Variants in NAV3 observed in about 807,000 individuals in gnomAD.
NAV3 encodes the protein neuron navigator 3.
NAV3 carries 87 observed loss-of-function variants against 244.7 expected under a neutral mutation model. The observed-to-expected ratio is 0.36, with a 90% CI of 0.30 to 0.42. The LOEUF (loss-of-function observed/expected upper bound fraction) is 0.42. NAV3 is among the 20% of genes least tolerant of loss of function. NAV3 has a pLI of 1.00. For synonymous variants in NAV3, 1,126 were observed against 1,042.2 expected (o/e 1.08, Z -1.55); for missense variants, 2,663 against 2,893.3 (o/e 0.92, Z 1.83).
intron 1 of NAV3, among the ~76,000 whole-genome samples, chr12:77,912,826 G>A (rs757234885): frequency 3.9e-5 from 6 of 151,924 alleles, no homozygotes; most frequent in Non-Finnish European, 7.4e-5. Flanking sequence ...TGCTCAGGCT[G>A]GTCTCGAACT....
chr12:78,149,499 C>T (rs1166697639), intron 22 of NAV3, among the ~76,000 whole-genome samples: 4 of 151,936 alleles, frequency 2.6e-5, no homozygotes, highest in Non-Finnish European at 4.4e-5. Context: ...CAATGAAGAC[C>T]GTCAATTAAA....
intron 12 of NAV3, among the ~76,000 whole-genome samples, chr12:78,084,388 T>TC (rs112138654): frequency 0.016 from 2,408 of 152,202 alleles, 59 homozygotes; most frequent in African/African-American, 0.055. Context: ...AGGCACTGGA[T>TC]CCCATTCCCT....
chr12:78,092,486 A>C (rs1005559814), intron 12 of NAV3, among the ~76,000 whole-genome samples: 1 of 59,130 alleles, frequency 1.7e-5, no homozygotes, highest in African/African-American at 6.1e-5. Flanking sequence ...AGCGTTAGTT[A>C]TTTTCTTTTT....
chr12:78,037,344 A>G, intron 9 of NAV3: 1 of 702,938 alleles, frequency 1.4e-6, no homozygotes, highest in Non-Finnish European at 2.6e-6. Context: ...GATCCTTACC[A>G]TGCTGGGTGA....
intron 1 of NAV3, among the ~76,000 whole-genome samples, chr12:77,891,496 C>G (rs1018422476): frequency 6.6e-6 from 1 of 152,014 alleles, no homozygotes; most frequent in Non-Finnish European, 1.5e-5. Context: ...TCTTTTTGGA[C>G]AGGTGGCCAT....
chr12:77,648,770 G>T (rs1467909851), intron 2 of NAV3, among the ~76,000 whole-genome samples: 4 of 152,062 alleles, frequency 2.6e-5, no homozygotes, highest in African/African-American at 9.7e-5. Context: ...TAATTTCTAT[G>T]ATTTCAGCAT....
At chr12:77,944,603 A>G (rs1458289925) in intron 3 of NAV3, among the ~76,000 whole-genome samples, 1 of 152,128 alleles carries the variant, frequency 6.6e-6, no homozygotes, top group African/African-American at 2.4e-5. Context: ...TGAAGGTCAG[A>G]AAAGAGTATT....
At chr12:78,013,175 A>G (rs992598512) in intron 8 of NAV3, among the ~76,000 whole-genome samples, 1 of 152,142 alleles carries the variant, frequency 6.6e-6, no homozygotes, top group Non-Finnish European at 1.5e-5. Context: ...TTCAACAACT[A>G]CCTACTAAAT....
chr12:78,099,543 A>G (rs1053008096), intron 12 of NAV3, among the ~76,000 whole-genome samples: 4 of 151,856 alleles, frequency 2.6e-5, no homozygotes, highest in African/African-American at 9.7e-5. Context: ...TTTATATAAG[A>G]TGGAAAAAGA....
chr12:77,961,608 TATA>T (rs1892005763), intron 3 of NAV3, among the ~76,000 whole-genome samples: 1 of 122,070 alleles, frequency 8.2e-6, no homozygotes, highest in African/African-American at 3.6e-5. Flanking sequence ...TATATTTGAA[TATA>T]TATTACTATA....
At chr12:78,067,213 C>A (rs1885120756) in intron 12 of NAV3, among the ~76,000 whole-genome samples, 1 of 152,052 alleles carries the variant, frequency 6.6e-6, no homozygotes, top group Non-Finnish European at 1.5e-5. Flanking sequence ...TTAGTATACT[C>A]CCATGTCTTA....
At chr12:78,023,208 T>A (rs1329891491) in intron 9 of NAV3, among the ~76,000 whole-genome samples, 1 of 152,182 alleles carries the variant, frequency 6.6e-6, no homozygotes, top group African/African-American at 2.4e-5. Flanking sequence ...GAGTTTGAAT[T>A]GCAATTTTTT....
rs764101465 is a variant in NAV3 at position 78,177,234 on chromosome 12, C to T, written c.5218C>T (p.Leu1740Phe). ...SDIEELTDSS[L>F]PASPKLPHNA... is the part of the protein sequence containing the mutation. ...CATTGAAGAGCTTACTGATTCATCC[C>T]TTCCGGCATCCCCCAAGTTACCCCA... Residue 1740 changes from leucine to phenylalanine, a missense_variant, in exon 27 of 40, where the codon CTT becomes TTT. By Grantham distance (22) the Leu-to-Phe change is conservative. Coordinates refer to ENST00000397909, the MANE Select transcript of NAV3 (RefSeq NM_001024383.2). The T allele has an allele frequency of 2.5e-6, 4 of 1,613,566 alleles. No homozygotes were observed. In the South Asian group the frequency reaches 3.3e-5, roughly 13 times the overall value.
intron 2 of NAV3, among the ~76,000 whole-genome samples, chr12:77,646,625 C>T (rs766961307): frequency 6.6e-6 from 1 of 151,940 alleles, no homozygotes. Context: ...CCCTTACACT[C>T]GACAATACTC....
At chr12:77,704,368 A>T (rs1055073561) in intron 2 of NAV3, among the ~76,000 whole-genome samples, 1 of 152,172 alleles carries the variant, frequency 6.6e-6, no homozygotes, top group Non-Finnish European at 1.5e-5. Flanking sequence ...AGTTTTTAAG[A>T]TATTATTAAC....
chr12:77,686,756 C>A (rs903314087), intron 2 of NAV3, among the ~76,000 whole-genome samples: 1 of 152,118 alleles, frequency 6.6e-6, no homozygotes, highest in African/African-American at 2.4e-5. Context: ...GTTCATCTGA[C>A]TTTACAGTAC....
At chr12:77,895,506 G>C (rs1884490964) in intron 1 of NAV3, among the ~76,000 whole-genome samples, 1 of 152,040 alleles carries the variant, frequency 6.6e-6, no homozygotes, top group Non-Finnish European at 1.5e-5. Flanking sequence ...TAAAAGCTAA[G>C]TGTGATGATT....
At chr12:77,658,904 A>G (rs904269376) in intron 2 of NAV3, among the ~76,000 whole-genome samples, 2 of 152,250 alleles carry the variant, frequency 1.3e-5, no homozygotes, top group Admixed American at 1.3e-4. Context: ...CTGGCTATCC[A>G]TATGTAGAAA....
chr12:78,087,476 T>G (rs1437344805), intron 12 of NAV3, among the ~76,000 whole-genome samples: 1 of 151,974 alleles, frequency 6.6e-6, no homozygotes, highest in Non-Finnish European at 1.5e-5. Flanking sequence ...CCCTGGAAAT[T>G]GCAATCTACA....
Sources: gnomAD v4.1 joint callset for allele counts (sites outside exome capture counted in the v4.1 genomes callset) on GRCh38, gnomAD v4.1.1 for gene constraint, MANE v1.5 for transcripts, NCBI Gene and HGNC (gene_info 2026-07-23, HGNC 2026-07-21) for gene names.